POLA2: variants seen among roughly 807,000 people sequenced by gnomAD.
The protein encoded by POLA2 is DNA polymerase alpha subunit B.
A neutral mutation model predicts 82.8 loss-of-function variants in POLA2; 47 were observed. That is an observed-to-expected ratio of 0.57 (90% confidence interval 0.45 to 0.72). The LOEUF (loss-of-function observed/expected upper bound fraction) is 0.72, where lower values mean the gene tolerates loss of function less well. POLA2 is among the 30% of genes least tolerant of loss of function. POLA2 has a pLI of 0.00. For synonymous variants in POLA2, 287 were observed against 286.8 expected (o/e 1.00, Z -0.01); for missense variants, 634 against 728.1 (o/e 0.87, Z 1.49).
At chr11:65,266,761 G>C in intron 2 of POLA2, 55 bp downstream of exon 2, 1 of 1,590,384 alleles carries the variant, frequency 6.3e-7, no homozygotes, top group South Asian at 1.1e-5. Context: ...CTGCTCTACA[G>C]GGGAGGCATT....
Position 65,294,213 on chromosome 11 carries a change from C to T in POLA2, c.1305C>T (p.Tyr435=). 3 of 1,614,066 alleles carry T rather than the reference C, an allele frequency of 1.9e-6. No homozygotes were observed. The highest frequency in any genetic ancestry group is 2.5e-6 in the Non-Finnish European group (3 of 1,179,992). Residue 435 remains tyrosine, a synonymous_variant, in exon 14 of 18, where the codon TAC becomes TAT. Transcript: ENST00000265465. ...GAGATGTGCACCATGAGCCTGTGTA[C>T]CCCCAGCCGCCTTTCAGCTACTCCG... ...SLRDVHHEPV[Y]PQPPFSYSDL...
chr11:65,263,122 A>G lies in POLA2; in HGVS notation c.79+751A>G, dbSNP rs1339592414. On this transcript the variant is annotated intron_variant, in intron 1 of 17. Transcript: ENST00000265465. ...AACCACTCAACACTTTGAACTTCTT[A>G]TATACAAAAAGATAACGAAACGTTA... Among the ~76,000 whole-genome samples, 5 of 152,128 alleles carry G rather than the reference A, an allele frequency of 3.3e-5. 1 individual carries two copies. In the East Asian group the frequency reaches 9.6e-4, roughly 29 times the overall value.
At chr11:65,268,351 A>ATTT (rs1565467636) in intron 3 of POLA2, among the ~76,000 whole-genome samples, 2 of 150,598 alleles carry the variant, frequency 1.3e-5, no homozygotes, top group African/African-American at 2.4e-5. Flanking sequence ...TATTATTATT[A>ATTT]TTATTATTTT....
At chr11:65,262,977 C>T (rs1328206782) in intron 1 of POLA2, among the ~76,000 whole-genome samples, 3 of 152,060 alleles carry the variant, frequency 2.0e-5, no homozygotes, top group African/African-American at 7.2e-5. Flanking sequence ...CTTGGAGTCC[C>T]GTGCTGCATC....
rs776034933 is a variant in POLA2, at chr11:65,262,350, G to C, written c.58G>C (p.Glu20Gln). ...GCTGCAGATCTTCGGCCTAGACTGC[G>C]AGGAGGCTCTAATTGAGAAATGTGA... ...EELQIFGLDC[E>Q]EALIEKLVEL... is the part of the protein sequence containing the mutation. Residue 20 changes from glutamate to glutamine, a missense_variant, in exon 1 of 18, where the codon GAG (glutamate) becomes CAG (glutamine). Glu to Gln is a conservative substitution (Grantham distance 29). Coordinates refer to ENST00000265465, the MANE Select transcript of POLA2 (RefSeq NM_002689.4). 6.2e-7 allele frequency: 1 copy of C among 1,613,806 alleles called. No homozygotes were observed. Among genetic ancestry groups the C allele is most frequent in the Admixed American group, 1.7e-5 (1 of 59,996 alleles).
chr11:65,262,292 C>A lies in POLA2; in HGVS notation c.-1C>A, dbSNP rs543017835. On this transcript the variant is annotated 5_prime_UTR_variant, in exon 1 of 18. Transcript: ENST00000265465. The stretch of plus-strand genomic sequence containing the variant: ...CTCCCCGGCCCCTGGCTTGGGCGAC[C>A]ATGTCCGCATCCGCCCAGCAGCTGG... The A allele has an allele frequency of 6.2e-7, 1 of 1,612,346 alleles. No individual in the cohort carries two copies. Among genetic ancestry groups the A allele is most frequent in the Admixed American group, 1.7e-5 (1 of 59,948 alleles).
At chr11:65,278,147 G>A (rs1314071711) in intron 5 of POLA2, among the ~76,000 whole-genome samples, 1 of 152,206 alleles carries the variant, frequency 6.6e-6, no homozygotes, top group Non-Finnish European at 1.5e-5. Flanking sequence ...GTGGAAATGT[G>A]AGAACTTGGC....
At chr11:65,287,665 C>A in intron 10 of POLA2, 51 bp from the exon 11 acceptor site, 2 of 1,526,758 alleles carry the variant, frequency 1.3e-6, no homozygotes, top group Non-Finnish European at 1.8e-6. Context: ...TCTCCTCCCA[C>A]CATTCTAATA....
At chr11:65,273,667 T>TA (rs200357264) in intron 4 of POLA2, among the ~76,000 whole-genome samples, 2,699 of 151,864 alleles carry the variant, frequency 0.018, 85 homozygotes, top group African/African-American at 0.062. Flanking sequence ...TTTTTAATTA[T>TA]AAAAAAAATA....
At chr11:65,286,289 G>A (rs1183257446) in intron 10 of POLA2, among the ~76,000 whole-genome samples, 1 of 152,178 alleles carries the variant, frequency 6.6e-6, no homozygotes, top group East Asian at 1.9e-4. Context: ...GCTGGAAAAG[G>A]CAAGGAAATG....
chr11:65,297,720 G>A lies in POLA2; in HGVS notation c.*451G>A, dbSNP rs1468764194. 2.0e-5 allele frequency: 3 copies of A among 151,806 alleles called. No individual in the cohort carries two copies. Among genetic ancestry groups the A allele is most frequent in the Admixed American group, 6.6e-5 (1 of 15,246 alleles). 9.4% of individuals were successfully genotyped at this position (151,806 alleles called of 1,614,324 possible). ...GGCTGGAGTGCAGTGGTGAGATCTC[G>A]GCTCACTGCAAGCTCTGCCGCCCGG... is the stretch of plus-strand genomic sequence containing the variant. On this transcript the variant is annotated 3_prime_UTR_variant, in exon 18 of 18. Coordinates refer to ENST00000265465, the MANE Select transcript of POLA2 (RefSeq NM_002689.4).
At position 65,305,491 on chromosome 11, in the gene POLA2, G is replaced by A. The variant is rs1054122688; in HGVS notation, c.776G>A (p.Arg259Lys). The change falls in exon 9 of 9, where the codon AGG becomes AAG. Residue 259 changes from arginine (R) to lysine (K), a missense_variant. By Grantham distance (26) the Arg-to-Lys change is conservative. Coordinates refer to the POLA2 transcript ENST00000525924. The stretch of plus-strand genomic sequence containing the variant: ...TGGTACCTGGCACAGTCTCCAAGAA[G>A]GACAAGCTGACAGAGCTGACAAAAT... The A allele has an allele frequency of 1.4e-5, 6 of 432,854 alleles. 1 individual carries two copies. The highest frequency in any genetic ancestry group is 2.8e-5 in the Non-Finnish European group (6 of 217,326). The allele number at this position is 432,854 out of a possible 1,614,324, so 26.8% of individuals were successfully genotyped here.
intron 3 of POLA2, 68 bp downstream of exon 3, chr11:65,267,636 C>A: frequency 9.4e-7 from 1 of 1,059,586 alleles, no homozygotes; most frequent in Non-Finnish European, 1.4e-6. Context: ...TCTGTAGTCG[C>A]ATGTGTAATT....
intron 1 of POLA2, among the ~76,000 whole-genome samples, chr11:65,265,468 G>C (rs1034183930): frequency 6.6e-6 from 1 of 151,850 alleles, no homozygotes; most frequent in Non-Finnish European, 1.5e-5. Context: ...TAGCTTCTTA[G>C]ACACTACTAG....
At chr11:65,273,883 G>A (rs1269737100) in intron 4 of POLA2, among the ~76,000 whole-genome samples, 1 of 151,854 alleles carries the variant, frequency 6.6e-6, no homozygotes, top group Non-Finnish European at 1.5e-5. Flanking sequence ...TTCAAATTAT[G>A]GGAAAAGCTG....
Position 65,266,634 on chromosome 11 carries a change from G to A in POLA2, c.132G>A (p.Glu44=), listed in dbSNP as rs145143636. ...AGAATGAGGAGGGAATGGTAGGCGAGCTTATAGCCTTCTGCACCAGCACAC... is the reference window on the plus strand; with the variant it reads ...AGAATGAGGAGGGAATGGTAGGCGAACTTATAGCCTTCTGCACCAGCACAC... ...YGQNEEGMVG[E]LIAFCTSTHK... The change falls in exon 2 of 18, where the codon GAG becomes GAA. Residue 44 remains glutamate, a synonymous_variant. Coordinates refer to ENST00000265465, the MANE Select transcript of POLA2 (RefSeq NM_002689.4). The A allele has an allele frequency of 2.3e-5, 37 of 1,613,984 alleles. No individual in the cohort carries two copies. The highest frequency in any genetic ancestry group is 3.0e-5 in the Non-Finnish European group (35 of 1,179,922).
chr11:65,289,725 A>G (rs1949734330), intron 12 of POLA2, 74 bp from the exon 13 acceptor site: 1 of 934,996 alleles, frequency 1.1e-6, no homozygotes, highest in African/African-American at 1.6e-5. Context: ...TCTATGGGTC[A>G]CCTAACAATG....
chr11:65,296,060 C>T (rs747467941), intron 17 of POLA2, 70 bp downstream of exon 17: 21 of 1,566,052 alleles, frequency 1.3e-5, no homozygotes, highest in East Asian at 6.7e-5. Context: ...CTAGACCACC[C>T]GGCACTCACC....
intron 4 of POLA2, among the ~76,000 whole-genome samples, chr11:65,272,542 C>T (rs753575673): frequency 9.2e-5 from 14 of 152,182 alleles, no homozygotes; most frequent in Admixed American, 1.3e-4. Context: ...ATGTCCCTAA[C>T]GGAGAGAATG....
Sources: allele counts gnomAD v4.1 joint callset (sites outside exome capture counted in the v4.1 genomes callset), GRCh38; gene constraint gnomAD v4.1.1; transcripts MANE v1.5; gene names NCBI Gene and HGNC (gene_info 2026-07-23, HGNC 2026-07-21).